Variants in ZNF454 observed in about 807,000 individuals in gnomAD.
The protein encoded by ZNF454 is zinc finger protein 454.
In ZNF454, 30 loss-of-function variants were observed where a neutral mutation model predicts 48.2. The observed-to-expected ratio is 0.62, with a 90% CI of 0.47 to 0.84. ZNF454 has a LOEUF of 0.84. Among genes scored for constraint, ZNF454 ranks in the 40% least tolerant of loss-of-function variants. The probability of loss-of-function intolerance (pLI) is 0.00; values close to 1 mark genes in which losing one functional copy is unlikely to be tolerated. For missense variants in ZNF454, 510 were observed against 623.1 expected (o/e 0.82, Z 1.93); for synonymous variants, 204 against 211.4 (o/e 0.97, Z 0.30).
the ZNF454 span, among the ~76,000 whole-genome samples, chr5:178,982,601 AAAAG>A: frequency 6.9e-6 from 1 of 145,266 alleles, no homozygotes; most frequent in Non-Finnish European, 1.5e-5. Flanking sequence ...AAAAAAAAAA[AAAAG>A]CATATGAAGA....
chr5:178,954,780 TC>T (rs1759685206), intron 4 of ZNF454, among the ~76,000 whole-genome samples: 1 of 152,196 alleles, frequency 6.6e-6, no homozygotes, highest in Non-Finnish European at 1.5e-5. Flanking sequence ...CGAGTACCCC[TC>T]TCCAGGATTT....
intron 4 of ZNF454, among the ~76,000 whole-genome samples, chr5:178,951,968 T>G (rs909584052): frequency 1.3e-5 from 2 of 152,234 alleles, no homozygotes; most frequent in African/African-American, 4.8e-5. Flanking sequence ...TCTGTTAGTC[T>G]TATTCCTGAG....
Position 178,946,813 on chromosome 5 carries a change from C to T in ZNF454, c.161-84C>T. The stretch of plus-strand genomic sequence containing the variant: ...ATCAAGTCCCATTTCCCAGCAAGCT[C>T]TGAGGACCAGGCTTTGTCTTTGCAG... On this transcript the variant is annotated intron_variant, in intron 3 of 4. Coordinates refer to ENST00000519564, the MANE Select transcript of ZNF454 (RefSeq NM_001178089.3). The surrounding 1 kb of genome is among the most constrained non-coding windows in gnomAD (Gnocchi z 4.5). The T allele has an allele frequency of 7.7e-7, 1 of 1,299,524 alleles. No homozygotes were observed. The highest frequency in any genetic ancestry group is 1.3e-5 in the South Asian group (1 of 76,144). 80.5% of individuals were successfully genotyped at this position (1,299,524 alleles called of 1,614,324 possible).
the ZNF454 span, chr5:178,989,860 C>T: frequency 1.4e-5 from 4 of 282,806 alleles, no homozygotes; most frequent in South Asian, 1.5e-4. Context: ...AAGGAATGGA[C>T]AGAGCCCAGG....
In ZNF454 at chr5:178,946,836, C is replaced by A; in HGVS notation, c.161-61C>A. The A allele has an allele frequency of 1.4e-6, 2 of 1,462,692 alleles. No homozygotes were observed. The highest frequency in any genetic ancestry group is 9.5e-7 in the Non-Finnish European group (1 of 1,050,200). The allele number at this position is 1,462,692 out of a possible 1,614,324, so 90.6% of individuals were successfully genotyped here. ...CTCTGAGGACCAGGCTTTGTCTTTG[C>A]AGTGATTTTTATCTCTCGTATAAAC... On this transcript the variant is annotated intron_variant, in intron 3 of 4. Transcript: ENST00000519564. This position sits in a 1 kb window ranked among gnomAD's most constrained non-coding sequence, Gnocchi z 4.5.
At chr5:178,964,195 A>G (rs929488623) in intron 4 of ZNF454, among the ~76,000 whole-genome samples, 1 of 150,636 alleles carries the variant, frequency 6.6e-6, no homozygotes, top group Non-Finnish European at 1.5e-5. Context: ...ATCTCGGCTC[A>G]CTGCAAGCTC....
intron 4 of ZNF454, among the ~76,000 whole-genome samples, chr5:178,950,334 G>A (rs1353926427): frequency 6.6e-6 from 1 of 152,194 alleles, no homozygotes. Context: ...ATTTGTGTTG[G>A]CTGCGCCTTT....
the ZNF454 span, chr5:178,982,823 G>T: frequency 1.1e-6 from 1 of 935,296 alleles, no homozygotes; most frequent in Non-Finnish European, 1.8e-6. Context: ...ATAAACAAAA[G>T]CACGAACAAG....
At chr5:178,976,303 G>C in the ZNF454 span, 2 of 256,036 alleles carry the variant, frequency 7.8e-6, no homozygotes, top group African/African-American at 4.5e-5. Flanking sequence ...TTATTGGTTA[G>C]TTTTGTATGT....
the ZNF454 span, chr5:178,982,697 A>AG: frequency 5.5e-6 from 2 of 366,770 alleles, no homozygotes; most frequent in East Asian, 8.2e-5. Context: ...AATGATAAAA[A>AG]AAAAAAAGAA....
At chr5:178,964,561 C>A in intron 4 of ZNF454, 94 bp from the exon 5 acceptor site, 2 of 976,946 alleles carry the variant, frequency 2.0e-6, no homozygotes, top group Non-Finnish European at 3.1e-6. Flanking sequence ...AACTTGAAAT[C>A]TTTCTGTTAG....
chr5:178,950,313 G>A (rs759674542), intron 4 of ZNF454, among the ~76,000 whole-genome samples: 5 of 152,248 alleles, frequency 3.3e-5, no homozygotes, highest in Non-Finnish European at 5.9e-5. Context: ...CGTGCTGAGA[G>A]ATTTGGGGGG....
chr5:178,946,605 T>C lies in ZNF454; in HGVS notation c.160+120T>C. ...GAGGACGCTGTCTTCAAGGGTGCCATTAATTTTACCTGTCCTTGGTGTCCT... is the reference window on the plus strand; with the variant it reads ...GAGGACGCTGTCTTCAAGGGTGCCACTAATTTTACCTGTCCTTGGTGTCCT... On this transcript the variant is annotated intron_variant, in intron 3 of 4. Coordinates refer to ENST00000519564, the MANE Select transcript of ZNF454 (RefSeq NM_001178089.3). The surrounding 1 kb of genome is among the most constrained non-coding windows in gnomAD (Gnocchi z 4.5). 1 of 1,384,138 alleles carries C rather than the reference T, an allele frequency of 7.2e-7. No individual in the cohort carries two copies. Among genetic ancestry groups the C allele is most frequent in the Non-Finnish European group, 9.7e-7 (1 of 1,030,870 alleles). The allele number at this position is 1,384,138 out of a possible 1,614,324, so 85.7% of individuals were successfully genotyped here.
the ZNF454 span, chr5:178,981,628 A>G: frequency 1.9e-6 from 3 of 1,556,782 alleles, no homozygotes; most frequent in Non-Finnish European, 1.8e-6. This position sits in a 1 kb window ranked among gnomAD's most constrained non-coding sequence, Gnocchi z 5.1. Context: ...AAGGAGAGGC[A>G]GCAAGCAGTC....
At chr5:178,967,717 G>GTT (rs10610959), downstream of ZNF454, among the ~76,000 whole-genome samples, 23 of 128,944 alleles carry the variant, frequency 1.8e-4, no homozygotes, top group South Asian at 2.5e-4. Flanking sequence ...CCTTTACCCT[G>GTT]TTTTTTTTTT....
At chr5:178,945,290 C>A (rs572633106) in intron 2 of ZNF454, among the ~76,000 whole-genome samples, 1 of 148,102 alleles carries the variant, frequency 6.8e-6, no homozygotes, top group African/African-American at 2.5e-5. Flanking sequence ...TGTGCATGCG[C>A]ACTTGTGTGG....
the ZNF454 span, among the ~76,000 whole-genome samples, chr5:178,977,113 T>C: frequency 6.6e-6 from 1 of 152,038 alleles, no homozygotes; most frequent in Non-Finnish European, 1.5e-5. Flanking sequence ...TATAATACTA[T>C]GTAGGATGAA....
the ZNF454 span, chr5:178,977,572 CTTT>C: frequency 1.5e-3 from 282 of 183,130 alleles, no homozygotes; most frequent in South Asian, 3.9e-3. Flanking sequence ...ATTCAGTCTT[CTTT>C]TTTTTTTTTT....
At chr5:178,969,457 C>A (rs1450169854), downstream of ZNF454, 1 of 456,708 alleles carries the variant, frequency 2.2e-6, no homozygotes, top group African/African-American at 2.0e-5. Context: ...ATACCTTGCT[C>A]TTGTAGTCCT....
Sources: allele counts gnomAD v4.1 joint callset (sites outside exome capture counted in the v4.1 genomes callset), GRCh38; gene constraint gnomAD v4.1.1; non-coding constraint Gnocchi (gnomAD v3.1); transcripts MANE v1.5; gene names NCBI Gene and HGNC (gene_info 2026-07-23, HGNC 2026-07-21).